The following PEX7 variants were observed in gnomAD, a reference collection of about 807,000 sequenced individuals.
The protein encoded by PEX7 is peroxisomal biogenesis factor 7.
PEX7 carries 34 observed loss-of-function variants against 47.5 expected under a neutral mutation model. That is an observed-to-expected ratio of 0.72 (90% confidence interval 0.54 to 0.95). The LOEUF is 0.95. Ranked by LOEUF, PEX7 falls within the 40% of genes least tolerant of loss-of-function variation. The pLI is 0.00. For missense variants in PEX7, 394 were observed against 400.3 expected (o/e 0.98, Z 0.13); for synonymous variants, 141 against 148.8 (o/e 0.95, Z 0.38).
chr6:136,823,615 G>T (rs1211778418), intron 1 of PEX7, among the ~76,000 whole-genome samples: 1 of 152,070 alleles, frequency 6.6e-6, no homozygotes, highest in Admixed American at 6.6e-5. Flanking sequence ...GCCAAGCGCC[G>T]TGCGGTGGCT....
At chr6:136,827,560 C>G (rs1037269759) in intron 3 of PEX7, among the ~76,000 whole-genome samples, 23 of 148,682 alleles carry the variant, frequency 1.5e-4, no homozygotes, top group African/African-American at 4.2e-4. Flanking sequence ...CAGGGTCTCA[C>G]TCTGTTGCCC....
chr6:136,837,843 C>CGT (rs1169534745), intron 3 of PEX7, among the ~76,000 whole-genome samples: 1 of 151,714 alleles, frequency 6.6e-6, no homozygotes. Flanking sequence ...CACACACACA[C>CGT]ACGTACATGT....
intron 5 of PEX7, among the ~76,000 whole-genome samples, chr6:136,848,812 T>G (rs1774681524): frequency 6.6e-6 from 1 of 152,030 alleles, no homozygotes; most frequent in South Asian, 2.1e-4. Context: ...TAAAATTCTC[T>G]TTTTTTTGTT....
chr6:136,899,084 T>TTC (rs1562757218), intron 9 of PEX7, among the ~76,000 whole-genome samples: 1 of 143,228 alleles, frequency 7.0e-6, no homozygotes, highest in Non-Finnish European at 1.5e-5. Context: ...TCTTTTCTTT[T>TTC]TTTTTTTTTT....
rs1370747590 is a variant in PEX7, at chr6:136,874,693, A to C, written c.803+2440A>C. On this transcript the variant is annotated intron_variant, in intron 8 of 9. Coordinates refer to ENST00000318471, the MANE Select transcript of PEX7 (RefSeq NM_000288.4). ...CAAAAAAAAAAAAAAAAAAAAGTCTATAAAGGAATGTTGTAGGATTTCTTC... is the reference window on the plus strand; with the variant it reads ...CAAAAAAAAAAAAAAAAAAAAGTCTCTAAAGGAATGTTGTAGGATTTCTTC... Among the ~76,000 whole-genome samples, 3 of 149,702 alleles carry C rather than the reference A, an allele frequency of 2.0e-5. No individual in the cohort carries two copies. In the East Asian group the frequency reaches 5.9e-4, roughly 30 times the overall value.
intron 8 of PEX7, among the ~76,000 whole-genome samples, chr6:136,887,645 T>A (rs1775489004): frequency 6.6e-6 from 1 of 152,194 alleles, no homozygotes; most frequent in Non-Finnish European, 1.5e-5. Context: ...GTGGCAAAAT[T>A]TTAGCAGTTG....
At chr6:136,843,820 T>C (rs987047974) in intron 3 of PEX7, among the ~76,000 whole-genome samples, 4 of 152,156 alleles carry the variant, frequency 2.6e-5, no homozygotes, top group African/African-American at 9.7e-5. Flanking sequence ...TTCCAACTAC[T>C]CTTCTGTCTT....
intron 5 of PEX7, among the ~76,000 whole-genome samples, chr6:136,860,663 A>G (rs1361738682): frequency 1.1e-5 from 1 of 92,526 alleles, no homozygotes; most frequent in Non-Finnish European, 2.3e-5. Context: ...AACTTAAAGT[A>G]TAATTAAAAA....
chr6:136,845,805 C>A, intron 4 of PEX7, 113 bp downstream of exon 4: 1 of 764,852 alleles, frequency 1.3e-6, no homozygotes, highest in Admixed American at 2.3e-5. Flanking sequence ...GACAGCTGAG[C>A]TTTCTTTTAA....
chr6:136,837,990 C>G (rs537694639), intron 3 of PEX7, among the ~76,000 whole-genome samples: 1 of 152,220 alleles, frequency 6.6e-6, no homozygotes, highest in Admixed American at 6.5e-5. Flanking sequence ...CTTTCCCTTT[C>G]TTGTATGAGT....
chr6:136,882,357 T>C (rs571657951), intron 8 of PEX7, among the ~76,000 whole-genome samples: 1 of 151,934 alleles, frequency 6.6e-6, no homozygotes, highest in African/African-American at 2.4e-5. Flanking sequence ...TTTGTATGTT[T>C]AGTAGAGACA....
intron 3 of PEX7, among the ~76,000 whole-genome samples, chr6:136,835,555 A>G (rs556496709): frequency 2.6e-5 from 4 of 152,112 alleles, no homozygotes; most frequent in African/African-American, 7.2e-5. Context: ...CCAAAGTGCT[A>G]GGATTACAGG....
intron 5 of PEX7, among the ~76,000 whole-genome samples, chr6:136,853,365 A>G (rs1774795235): frequency 6.6e-6 from 1 of 152,202 alleles, no homozygotes; most frequent in Non-Finnish European, 1.5e-5. Context: ...TTTAGTAGAG[A>G]ACAGAAGACA....
chr6:136,841,226 T>A (rs750487629), intron 3 of PEX7, among the ~76,000 whole-genome samples: 14 of 152,186 alleles, frequency 9.2e-5, no homozygotes, highest in Non-Finnish European at 1.5e-4. Flanking sequence ...TGAACTTTTT[T>A]CAGAGCTTGA....
At chr6:136,880,480 A>G (rs1383369931) in intron 8 of PEX7, among the ~76,000 whole-genome samples, 1 of 152,174 alleles carries the variant, frequency 6.6e-6, no homozygotes, top group Non-Finnish European at 1.5e-5. Flanking sequence ...TGTACCATTC[A>G]GTGTTCCCCA....
intron 8 of PEX7, among the ~76,000 whole-genome samples, chr6:136,886,153 C>G (rs1562752602): frequency 6.6e-6 from 1 of 152,214 alleles, no homozygotes. Context: ...GCAGCCCCAT[C>G]TAGCCTTTTG....
chr6:136,840,048 A>C (rs1933769085), intron 3 of PEX7, among the ~76,000 whole-genome samples: 2 of 152,176 alleles, frequency 1.3e-5, no homozygotes, highest in Admixed American at 6.5e-5. Context: ...GTTAGAGGCA[A>C]ATGAAAGAGC....
At chr6:136,906,355 AAAT>A (rs919086391) in intron 9 of PEX7, among the ~76,000 whole-genome samples, 2 of 152,196 alleles carry the variant, frequency 1.3e-5, no homozygotes, top group African/African-American at 4.8e-5. Flanking sequence ...AACCTATTAA[AAAT>A]AATAAGAGAG....
intron 3 of PEX7, among the ~76,000 whole-genome samples, chr6:136,841,704 C>T (rs1774502273): frequency 6.6e-6 from 1 of 152,168 alleles, no homozygotes; most frequent in Admixed American, 6.5e-5. Flanking sequence ...CCACCCCAGC[C>T]TCCTGGGTAG....
Sources: gnomAD v4.1 joint callset for allele counts (sites outside exome capture counted in the v4.1 genomes callset) on GRCh38, gnomAD v4.1.1 for gene constraint, MANE v1.5 for transcripts, NCBI Gene and HGNC (gene_info 2026-07-23, HGNC 2026-07-21) for gene names.